The following NUBPL variants were observed in gnomAD, a reference collection of about 807,000 sequenced individuals.
NUBPL encodes the protein iron-sulfur cluster transfer protein NUBPL.
NUBPL carries 31 observed loss-of-function variants against 45.7 expected under a neutral mutation model. That is an observed-to-expected ratio of 0.68 (90% CI 0.51 to 0.92). NUBPL has a LOEUF of 0.92. Ranked by LOEUF, NUBPL falls within the 40% of genes least tolerant of loss-of-function variation. The pLI is 0.00. For synonymous variants in NUBPL, 144 were observed against 140.9 expected, an observed-to-expected ratio of 1.02 and a Z score of -0.15; for missense variants, 401 against 398.7, an observed-to-expected ratio of 1.01 and a Z score of -0.05.
chr14:31,708,621 T>G (rs1189543295), intron 6 of NUBPL, among the ~76,000 whole-genome samples: 1 of 152,194 alleles, frequency 6.6e-6, no homozygotes, highest in Non-Finnish European at 1.5e-5. Context: ...CAGATGGTAA[T>G]GGACCTTGAG....
intron 3 of NUBPL, among the ~76,000 whole-genome samples, chr14:31,578,523 C>T (rs1454877219): frequency 3.9e-5 from 6 of 152,104 alleles, no homozygotes; most frequent in Admixed American, 6.5e-5. Flanking sequence ...GGTCAATGAG[C>T]GTTCAGATGA....
At chr14:31,608,636 G>A (rs748130206) in intron 4 of NUBPL, among the ~76,000 whole-genome samples, 3 of 152,120 alleles carry the variant, frequency 2.0e-5, no homozygotes, top group Non-Finnish European at 2.9e-5. Context: ...AAACTCACTC[G>A]TAATAGTAAG....
intron 4 of NUBPL, among the ~76,000 whole-genome samples, chr14:31,611,945 A>G (rs1228662274): frequency 2.6e-5 from 4 of 152,212 alleles, no homozygotes; most frequent in African/African-American, 9.6e-5. Flanking sequence ...AAACTTTGAG[A>G]CCTTCAACTG....
At chr14:31,742,239 C>T (rs1324412979) in intron 6 of NUBPL, among the ~76,000 whole-genome samples, 2 of 96,986 alleles carry the variant, frequency 2.1e-5, no homozygotes, top group Non-Finnish European at 2.2e-5. Context: ...CTATTGTGTA[C>T]ACACACACAC....
intron 1 of NUBPL, chr14:31,561,828 A>G (rs2033289782): frequency 1.7e-6 from 1 of 598,476 alleles, no homozygotes; most frequent in Non-Finnish European, 2.9e-6. Flanking sequence ...ATCTCCGTAA[A>G]GAGGCAGCGT....
chr14:31,602,529 A>T (rs1171389175), intron 4 of NUBPL, among the ~76,000 whole-genome samples: 1 of 152,070 alleles, frequency 6.6e-6, no homozygotes, highest in East Asian at 1.9e-4. Context: ...GTATATATAT[A>T]AAAAGAAATC....
chr14:31,802,623 C>A (rs994191179), intron 7 of NUBPL, among the ~76,000 whole-genome samples: 1 of 152,142 alleles, frequency 6.6e-6, no homozygotes, highest in African/African-American at 2.4e-5. Context: ...AGGCTCTCCC[C>A]AGAAGTTGCT....
intron 6 of NUBPL, among the ~76,000 whole-genome samples, chr14:31,729,008 C>T (rs552173918): frequency 7.2e-5 from 11 of 152,250 alleles, no homozygotes; most frequent in East Asian, 5.8e-4. Flanking sequence ...CGGCTGGGCA[C>T]GGTGGCTCAC....
At chr14:31,588,766 A>C (rs1486008983) in intron 3 of NUBPL, among the ~76,000 whole-genome samples, 6 of 151,908 alleles carry the variant, frequency 3.9e-5, no homozygotes, top group African/African-American at 1.2e-4. Context: ...ATACAAAAAA[A>C]AAATTAGCGG....
In NUBPL at chr14:31,826,645, C is replaced by T. The variant is rs1025713135; in HGVS notation, c.624C>T (p.Ser208=). 6.2e-7 allele frequency: 1 copy of T among 1,614,016 alleles called. No individual in the cohort carries two copies. The highest frequency in any genetic ancestry group is 1.3e-5 in the African/African-American group (1 of 74,994). The part of the protein sequence containing the change: ...NIPITGAVIV[S]TPQDIALMDA... ...TTTGGCTAGGTGCTGTGATTGTCTCCACGCCCCAGGACATCGCATTGATGG... is the reference window on the plus strand; with the variant it reads ...TTTGGCTAGGTGCTGTGATTGTCTCTACGCCCCAGGACATCGCATTGATGG... The change falls in exon 8 of 11, where the codon TCC becomes TCT. Residue 208 remains serine, a synonymous_variant. Transcript: ENST00000281081.
intron 4 of NUBPL, among the ~76,000 whole-genome samples, chr14:31,648,841 G>A (rs78806431): frequency 0.023 from 3,484 of 152,240 alleles, 70 homozygotes; most frequent in Non-Finnish European, 0.032. Flanking sequence ...AGACAGTCTC[G>A]TGTTTTCGCC....
intron 1 of NUBPL, 93 bp downstream of exon 1, chr14:31,561,640 G>T: frequency 1.2e-6 from 1 of 865,542 alleles, no homozygotes; most frequent in Non-Finnish European, 1.6e-6. Context: ...CCAAAGACTC[G>T]CCTCAGTTCC....
At chr14:31,669,146 C>T (rs542483680) in intron 4 of NUBPL, among the ~76,000 whole-genome samples, 158 of 152,322 alleles carry the variant, frequency 1.0e-3, no homozygotes, top group Non-Finnish European at 2.0e-3. Flanking sequence ...TACAGGCATG[C>T]ACCACTGTGC....
At chr14:31,695,147 G>T (rs1215709339) in intron 6 of NUBPL, among the ~76,000 whole-genome samples, 2 of 152,124 alleles carry the variant, frequency 1.3e-5, no homozygotes, top group East Asian at 3.9e-4. Flanking sequence ...ATGTCATAGC[G>T]CAAACCCTGT....
chr14:31,570,610 A>C (rs572083414), intron 3 of NUBPL, among the ~76,000 whole-genome samples: 14 of 152,306 alleles, frequency 9.2e-5, no homozygotes, highest in Admixed American at 9.1e-4. Context: ...TATCCTTGCC[A>C]CATTTCATCA....
chr14:31,587,139 G>A (rs966149264), intron 3 of NUBPL, among the ~76,000 whole-genome samples: 5 of 152,158 alleles, frequency 3.3e-5, no homozygotes, highest in African/African-American at 1.2e-4. Flanking sequence ...CTGGGAATTG[G>A]TATTTTTAGG....
intron 4 of NUBPL, among the ~76,000 whole-genome samples, chr14:31,656,663 T>TA (rs1323132984): frequency 1.3e-5 from 2 of 152,136 alleles, no homozygotes; most frequent in East Asian, 3.9e-4. Flanking sequence ...GTTTGCATCT[T>TA]ATGTGGGTGC....
intron 6 of NUBPL, among the ~76,000 whole-genome samples, chr14:31,705,225 T>G (rs1052849216): frequency 6.6e-6 from 1 of 152,030 alleles, no homozygotes; most frequent in African/African-American, 2.4e-5. Context: ...CCTTCAGGAG[T>G]GAAGCTGCAG....
At chr14:31,778,354 C>G (rs1203056277) in intron 6 of NUBPL, among the ~76,000 whole-genome samples, 1 of 152,158 alleles carries the variant, frequency 6.6e-6, no homozygotes, top group African/African-American at 2.4e-5. Flanking sequence ...TGTGGTTTCT[C>G]CTGACTGGAT....
Sources: gnomAD v4.1 joint callset for allele counts (sites outside exome capture counted in the v4.1 genomes callset) on GRCh38, gnomAD v4.1.1 for gene constraint, MANE v1.5 for transcripts, NCBI Gene and HGNC (gene_info 2026-07-23, HGNC 2026-07-21) for gene names.